Variants in SLC2A9 observed in about 807,000 individuals in gnomAD.
SLC2A9 encodes the protein solute carrier family 2 member 9.
A neutral mutation model predicts 50.6 loss-of-function variants in SLC2A9; 39 were observed. The ratio of observed to expected loss-of-function variants is 0.77; its 90% CI spans 0.60 to 1.01. The LOEUF (loss-of-function observed/expected upper bound fraction) is 1.01, where lower values mean the gene tolerates loss of function less well. SLC2A9 is among the 50% of genes least tolerant of loss of function. SLC2A9 has a pLI of 0.00. For synonymous variants in SLC2A9, 324 were observed against 276.9 expected (o/e 1.17, Z -1.69); for missense variants, 686 against 677.6 (o/e 1.01, Z -0.14).
chr4:9,776,342 T>C (rs1445126338), downstream of SLC2A9, among the ~76,000 whole-genome samples: 1 of 152,074 alleles, frequency 6.6e-6, no homozygotes, highest in Admixed American at 6.6e-5. Context: ...GTCTTGGTGC[T>C]GTGCGATCAT....
At chr4:9,875,872 T>C (rs769631684) in intron 10 of SLC2A9, among the ~76,000 whole-genome samples, 6 of 152,312 alleles carry the variant, frequency 3.9e-5, no homozygotes, top group Middle Eastern at 3.4e-3. Context: ...TTAACCTCCA[T>C]TGGCACTGGG....
chr4:10,014,180 C>G (rs1762229393), intron 2 of SLC2A9, among the ~76,000 whole-genome samples: 1 of 152,068 alleles, frequency 6.6e-6, no homozygotes. Context: ...CTGGGGCTGC[C>G]TCACTCACCC....
At chr4:9,776,178 T>C (rs1430605657), downstream of SLC2A9, among the ~76,000 whole-genome samples, 1 of 138,428 alleles carries the variant, frequency 7.2e-6, no homozygotes, top group African/African-American at 2.9e-5. Context: ...AGGAAAGAAG[T>C]CTTTCTTTCT....
chr4:10,018,975 C>T lies in SLC2A9; in HGVS notation c.249G>A (p.Pro83=), dbSNP rs1156406149. 1.3e-6 allele frequency: 2 copies of T among 1,549,444 alleles called. No homozygotes were observed. The highest frequency in any genetic ancestry group is 1.4e-5 in the African/African-American group (1 of 72,992). Residue 83 remains proline (P), a splice_region_variant and synonymous_variant, in exon 2 of 12, where the codon CCG becomes CCA. Transcript: ENST00000264784. ...YNLSVVNAPT[P]YIKAFYNESW... is the part of the protein sequence containing the mutation. ...CTGCCGGGCCTTGGCGCGCACTCAC[C>T]GGGGTGGGGGCATTCACCACCGACA...
rs533995364 is a variant in SLC2A9, at chr4:9,780,619, C to T, written n.386-554G>A. Reference sequence around the variant, plus strand: ...GCTGCAGGTGTCTGGGCCAGCAGGTCGCAGCCGGAGCTATGCAGCTGGCTG... The same window carrying T: ...GCTGCAGGTGTCTGGGCCAGCAGGTTGCAGCCGGAGCTATGCAGCTGGCTG... On this transcript the variant is annotated intron_variant and non_coding_transcript_variant, in intron 3 of 3. Transcript: ENST00000503803. Among the ~76,000 whole-genome samples the T allele has an allele frequency of 2.9e-3, 434 of 152,266 alleles. 1 individual carries two copies. Among genetic ancestry groups the T allele is most frequent in the African/African-American group, 9.8e-3 (406 of 41,558 alleles).
chr4:9,934,645 T>C (rs776871663), intron 6 of SLC2A9, among the ~76,000 whole-genome samples: 9 of 152,202 alleles, frequency 5.9e-5, no homozygotes, highest in Non-Finnish European at 1.2e-4. Flanking sequence ...CATGGGGAAT[T>C]TTTTAATTTT....
In SLC2A9 at chr4:9,876,903, T is replaced by C. The variant is rs567717867; in HGVS notation, c.1291+10664A>G. Reference sequence around the variant, plus strand: ...AATGGCTACTATTTAGTTTTAAGTCTAGATTTGTGAGACATTTCCATTTAA... The same window carrying C: ...AATGGCTACTATTTAGTTTTAAGTCCAGATTTGTGAGACATTTCCATTTAA... On this transcript the variant is annotated intron_variant, in intron 10 of 11. Transcript: ENST00000264784. Among the ~76,000 whole-genome samples the C allele has an allele frequency of 6.6e-5, 10 of 152,356 alleles. No homozygotes were observed. In the Middle Eastern group the frequency reaches 0.014, roughly 207 times the overall value.
intron 2 of SLC2A9, among the ~76,000 whole-genome samples, chr4:10,001,610 C>T (rs574383225): frequency 1.4e-4 from 22 of 152,314 alleles, no homozygotes; most frequent in Admixed American, 1.2e-3. Flanking sequence ...CACCATTCCA[C>T]CACTCAACCG....
At chr4:9,876,034 A>G (rs1011065864) in intron 10 of SLC2A9, among the ~76,000 whole-genome samples, 1 of 152,248 alleles carries the variant, frequency 6.6e-6, no homozygotes, top group Admixed American at 6.5e-5. Context: ...AATCTCTGCC[A>G]TGCTTTGTCG....
chr4:9,801,364 G>A (rs995111113), intron 3 of SLC2A9, among the ~76,000 whole-genome samples: 2 of 152,200 alleles, frequency 1.3e-5, no homozygotes, highest in African/African-American at 4.8e-5. Flanking sequence ...TGGGGGAGTG[G>A]TTTCTTCCAG....
chr4:9,995,801 T>C (rs1391486868), intron 3 of SLC2A9: 1 of 152,200 alleles, frequency 6.6e-6, no homozygotes, highest in Non-Finnish European at 1.5e-5. Context: ...ATAAGAAAAT[T>C]GAGGCTCAAA....
Position 9,890,584 on chromosome 4 carries a change from C to T in SLC2A9, c.1215+26G>A, listed in dbSNP as rs757260705. 3.1e-6 allele frequency: 5 copies of T among 1,609,396 alleles called. No homozygotes were observed. The African/African-American group carries it at 6.7e-5, about 22-fold the overall frequency. On this transcript the variant is annotated intron_variant, in intron 9 of 11. Transcript: ENST00000264784. ...AAGTCAGCTCCATGCTTATCTCCCT[C>T]AAATGTGACAAGAACATCGTCTCAC...
intron 10 of SLC2A9, among the ~76,000 whole-genome samples, chr4:9,875,798 T>A (rs1467728301): frequency 2.6e-5 from 4 of 152,200 alleles, no homozygotes; most frequent in African/African-American, 9.6e-5. Context: ...AAGCTCCTGA[T>A]TGGGACATTT....
At chr4:9,866,793 C>G (rs13105954) in intron 10 of SLC2A9, among the ~76,000 whole-genome samples, 70,444 of 152,030 alleles carry the variant, frequency 0.46, 19,328 homozygotes, top group Non-Finnish European at 0.63. Flanking sequence ...CAGCACCTAG[C>G]ACCCATTTTA....
rs778324552 is a variant in SLC2A9, at chr4:9,996,905, T to G, written c.286A>C (p.Arg96=). 1.2e-6 allele frequency: 2 copies of G among 1,614,170 alleles called. No individual in the cohort carries two copies. The highest frequency in any genetic ancestry group is 1.7e-6 in the Non-Finnish European group (2 of 1,180,014). The stretch of plus-strand genomic sequence containing the variant: ...TCTGGGTCTATTGGACGTCCATGCC[T>G]TCTTTCCCATGACTCATTGTAAAAG... ...KAFYNESWER[R]HGRPIDPDTL... is the part of the protein sequence containing the mutation. Residue 96 remains arginine (R), a synonymous_variant, in exon 3 of 12, where the codon AGG becomes CGG. Transcript: ENST00000264784.
intron 3 of SLC2A9, among the ~76,000 whole-genome samples, chr4:9,788,135 A>C (rs1369807234): frequency 6.6e-6 from 1 of 152,146 alleles, no homozygotes; most frequent in Non-Finnish European, 1.5e-5. Context: ...ACTGTAAGGA[A>C]GAATATTTGT....
At chr4:10,034,149 C>A (rs185898828) in intron 1 of SLC2A9, 1 of 152,418 alleles carries the variant, frequency 6.6e-6, no homozygotes, top group Non-Finnish European at 1.5e-5. Flanking sequence ...AGTAACAAAT[C>A]TGGAGAACTA....
intron 8 of SLC2A9, 95 bp downstream of exon 8, chr4:9,908,140 G>A (rs1430875028): frequency 1.2e-6 from 1 of 857,654 alleles, no homozygotes. Context: ...GAATTCTGAT[G>A]GGGAAAGCCT....
chr4:9,916,383 C>T (rs1742851120), intron 7 of SLC2A9, among the ~76,000 whole-genome samples: 1 of 152,226 alleles, frequency 6.6e-6, no homozygotes, highest in South Asian at 2.1e-4. Flanking sequence ...CCTCTTTGCT[C>T]TTCTTTTACA....
Sources: allele counts gnomAD v4.1 joint callset (sites outside exome capture counted in the v4.1 genomes callset), GRCh38; gene constraint gnomAD v4.1.1; transcripts MANE v1.5; gene names NCBI Gene and HGNC (gene_info 2026-07-23, HGNC 2026-07-21).